The following TENM2 variants were observed in gnomAD, a reference collection of about 807,000 sequenced individuals.
The protein encoded by TENM2 is teneurin transmembrane protein 2.
In TENM2, 52 loss-of-function variants were observed where a neutral mutation model predicts 245.2. That is an observed-to-expected ratio of 0.21 (90% CI 0.17 to 0.27). The LOEUF (loss-of-function observed/expected upper bound fraction) is 0.27, where lower values mean the gene tolerates loss of function less well. TENM2 is among the 10% of genes least tolerant of loss of function. The pLI is 1.00. For synonymous variants in TENM2, 1,363 were observed against 1,438.9 expected (o/e 0.95, Z 1.19); for missense variants, 3,046 against 3,666.8 (o/e 0.83, Z 4.37).
intron 25 of TENM2, among the ~76,000 whole-genome samples, chr5:168,238,622 G>C (rs1364438864): frequency 6.6e-6 from 1 of 152,158 alleles, no homozygotes; most frequent in Non-Finnish European, 1.5e-5. Flanking sequence ...ATTGCGCCTG[G>C]AGCTAAGTTA....
At chr5:168,092,733 G>A (rs1176994438) in intron 8 of TENM2, among the ~76,000 whole-genome samples, 1 of 152,202 alleles carries the variant, frequency 6.6e-6, no homozygotes, top group Non-Finnish European at 1.5e-5. Flanking sequence ...AGAACATGAT[G>A]AGAAACGACT....
At chr5:168,065,004 T>C (rs2152107727) in intron 7 of TENM2, among the ~76,000 whole-genome samples, 1 of 152,316 alleles carries the variant, frequency 6.6e-6, no homozygotes, top group Admixed American at 6.5e-5. Flanking sequence ...GCGACTGACG[T>C]CTCGAACTAT....
At chr5:167,649,969 A>G (rs905576552) in intron 2 of TENM2, among the ~76,000 whole-genome samples, 7 of 152,316 alleles carry the variant, frequency 4.6e-5, no homozygotes, top group East Asian at 3.9e-4. Flanking sequence ...GGAATTACTT[A>G]TTGAAAAGAA....
chr5:168,135,704 C>T (rs1205494181), intron 12 of TENM2, among the ~76,000 whole-genome samples: 1 of 150,354 alleles, frequency 6.7e-6, no homozygotes, highest in African/African-American at 2.4e-5. Context: ...TTTAGTTAAT[C>T]TTCCCTCTAA....
chr5:166,993,426 T>C, the TENM2 span, among the ~76,000 whole-genome samples: 1 of 151,948 alleles, frequency 6.6e-6, no homozygotes, highest in South Asian at 2.1e-4. Flanking sequence ...CCTAGGAGGG[T>C]GAGAGCCCAC....
intron 2 of TENM2, among the ~76,000 whole-genome samples, chr5:167,590,711 T>C (rs1004108994): frequency 2.6e-5 from 4 of 152,094 alleles, no homozygotes; most frequent in African/African-American, 9.7e-5. Flanking sequence ...TTTAATTTGG[T>C]AAGGTATTTT....
chr5:168,140,373 A>T (rs1755433476), intron 12 of TENM2, among the ~76,000 whole-genome samples: 1 of 152,172 alleles, frequency 6.6e-6, no homozygotes, highest in Non-Finnish European at 1.5e-5. Flanking sequence ...TACAGCATTC[A>T]AGAAGCGTGG....
chr5:167,409,894 C>G (rs1479854205), intron 2 of TENM2, among the ~76,000 whole-genome samples: 1 of 151,774 alleles, frequency 6.6e-6, no homozygotes, highest in East Asian at 1.9e-4. Flanking sequence ...TGTTGAGAAT[C>G]TTCTTTGTTA....
At chr5:167,976,869 T>G (rs1414821343) in intron 4 of TENM2, among the ~76,000 whole-genome samples, 1 of 152,178 alleles carries the variant, frequency 6.6e-6, no homozygotes, top group Non-Finnish European at 1.5e-5. Flanking sequence ...TGCGTGCATG[T>G]GTATGTTCAT....
intron 2 of TENM2, among the ~76,000 whole-genome samples, chr5:167,486,954 G>A (rs919270885): frequency 7.9e-5 from 12 of 152,144 alleles, no homozygotes; most frequent in African/African-American, 2.4e-5. Context: ...AAGGTTTTAT[G>A]TAAAAGTACA....
intron 2 of TENM2, among the ~76,000 whole-genome samples, chr5:167,805,005 G>A (rs976654603): frequency 2.2e-4 from 34 of 152,172 alleles, no homozygotes; most frequent in African/African-American, 7.2e-4. Context: ...GCTACAGCTT[G>A]TTTCACCTTT....
chr5:167,163,772 G>C, the TENM2 span, among the ~76,000 whole-genome samples: 1 of 152,134 alleles, frequency 6.6e-6, no homozygotes, highest in Non-Finnish European at 1.5e-5. Flanking sequence ...CAAGTCCCTT[G>C]TCTCTGGAGT....
At chr5:167,438,985 C>A (rs1764735040) in intron 2 of TENM2, among the ~76,000 whole-genome samples, 1 of 151,262 alleles carries the variant, frequency 6.6e-6, no homozygotes, top group East Asian at 2.0e-4. Context: ...AGTAGAAACG[C>A]GTTTCACTAT....
At chr5:168,135,335 T>C (rs954894406) in intron 12 of TENM2, among the ~76,000 whole-genome samples, 17 of 152,328 alleles carry the variant, frequency 1.1e-4, no homozygotes, top group African/African-American at 4.1e-4. Flanking sequence ...TCCTCGCAAG[T>C]TTCCTGCCTA....
intron 12 of TENM2, among the ~76,000 whole-genome samples, chr5:168,133,070 C>T (rs558868770): frequency 6.6e-6 from 1 of 152,172 alleles, no homozygotes; most frequent in South Asian, 2.1e-4. Context: ...CAAGCCTTCC[C>T]GACCTCAATT....
the TENM2 span, among the ~76,000 whole-genome samples, chr5:167,100,997 G>A: frequency 2.0e-5 from 3 of 152,190 alleles, no homozygotes; most frequent in Non-Finnish European, 4.4e-5. Context: ...GGAGATACAT[G>A]TTTAAGTACC....
chr5:167,413,259 GTAATGTTAGTA>G (rs945923115), intron 2 of TENM2, among the ~76,000 whole-genome samples: 2 of 152,020 alleles, frequency 1.3e-5, no homozygotes, highest in African/African-American at 4.8e-5. Context: ...TTTCAAGGAG[GTAATGTTAGTA>G]TATCTCTGAA....
chr5:167,199,302 T>C, the TENM2 span, among the ~76,000 whole-genome samples: 4 of 152,006 alleles, frequency 2.6e-5, no homozygotes. Context: ...GAGAATAATA[T>C]GTTTCTGCTC....
upstream of TENM2, among the ~76,000 whole-genome samples, chr5:167,281,943 T>C (rs1771089643): frequency 1.4e-5 from 2 of 140,270 alleles, no homozygotes; most frequent in African/African-American, 2.7e-5. Flanking sequence ...GAGGATGCAG[T>C]GAGCGGAGAT....
Sources: allele counts gnomAD v4.1 joint callset (sites outside exome capture counted in the v4.1 genomes callset), GRCh38; gene constraint gnomAD v4.1.1; transcripts MANE v1.5; gene names NCBI Gene and HGNC (gene_info 2026-07-23, HGNC 2026-07-21).